The following TRIM55 variants were observed in gnomAD, a reference collection of about 807,000 sequenced individuals.
TRIM55 encodes the protein tripartite motif-containing protein 55.
Under a neutral mutation model 60.9 loss-of-function variants are expected in TRIM55, and 50 were observed. The ratio of observed to expected loss-of-function variants is 0.82; its 90% CI spans 0.65 to 1.04. The LOEUF (loss-of-function observed/expected upper bound fraction) is 1.04, where lower values mean the gene tolerates loss of function less well. Ranked by LOEUF, TRIM55 falls within the 50% of genes least tolerant of loss-of-function variation. The probability of loss-of-function intolerance (pLI) is 0.00; values close to 1 mark genes in which losing one functional copy is unlikely to be tolerated. For missense variants in TRIM55, 681 were observed against 666.9 expected (o/e 1.02, Z -0.23); for synonymous variants, 237 against 238.1 (o/e 1.00, Z 0.04).
At chr8:66,157,904 G>C (rs1005734719) in intron 9 of TRIM55, among the ~76,000 whole-genome samples, 5 of 152,108 alleles carry the variant, frequency 3.3e-5, no homozygotes, top group South Asian at 2.1e-4. Context: ...TCCTCTACGA[G>C]TGATGGACAG....
intron 3 of TRIM55, among the ~76,000 whole-genome samples, chr8:66,136,474 G>A (rs187762273): frequency 2.0e-5 from 3 of 152,306 alleles, no homozygotes; most frequent in East Asian, 3.9e-4. Flanking sequence ...TGGACCAAGC[G>A]CATGGGTCTC....
At chr8:66,160,753 A>G (rs1330295704) in intron 9 of TRIM55, among the ~76,000 whole-genome samples, 1 of 151,514 alleles carries the variant, frequency 6.6e-6, no homozygotes, top group Admixed American at 6.6e-5. Context: ...TTTGATTTGC[A>G]TTTCCCTGAT....
intron 4 of TRIM55, among the ~76,000 whole-genome samples, chr8:66,140,723 G>A (rs1170141374): frequency 6.6e-6 from 1 of 152,210 alleles, no homozygotes; most frequent in Non-Finnish European, 1.5e-5. Context: ...GTCCTAGCTT[G>A]AGAGCCTGGT....
chr8:66,117,021 A>C, the TRIM55 span, among the ~76,000 whole-genome samples: 1 of 152,258 alleles, frequency 6.6e-6, no homozygotes, highest in South Asian at 2.1e-4. Flanking sequence ...CATAACATTA[A>C]ACAGATTAAA....
In TRIM55 at chr8:66,127,220, G is replaced by C; in HGVS notation, c.-49G>C. The C allele has an allele frequency of 7.7e-6, 12 of 1,564,600 alleles. No homozygotes were observed. The highest frequency in any genetic ancestry group is 9.6e-6 in the Non-Finnish European group (11 of 1,147,222). ...TAATATCCAGGAAACACTTGCTGGA[G>C]CCACTCGCAGCACCCTTCCCTGGCA... is the stretch of plus-strand genomic sequence containing the variant. On this transcript the variant is annotated 5_prime_UTR_variant, in exon 1 of 10. Coordinates refer to ENST00000315962, the MANE Select transcript of TRIM55 (RefSeq NM_184085.2).
intron 9 of TRIM55, among the ~76,000 whole-genome samples, chr8:66,158,386 C>A (rs74952725): frequency 0.081 from 12,397 of 152,126 alleles, 834 homozygotes; most frequent in African/African-American, 0.19. Flanking sequence ...TTTTTACATT[C>A]TATTCTTCAA....
intron 9 of TRIM55, among the ~76,000 whole-genome samples, chr8:66,165,479 T>C (rs1423653159): frequency 6.6e-6 from 1 of 151,722 alleles, no homozygotes; most frequent in African/African-American, 2.4e-5. Flanking sequence ...TGACTATAGG[T>C]CTCAGGTTCT....
At chr8:66,170,935 C>T (rs1563397146) in intron 9 of TRIM55, among the ~76,000 whole-genome samples, 1 of 152,194 alleles carries the variant, frequency 6.6e-6, no homozygotes, top group Non-Finnish European at 1.5e-5. Context: ...TGTTAATGAG[C>T]ATGCACTCTG....
At chr8:66,163,284 C>T (rs191978766) in intron 9 of TRIM55, among the ~76,000 whole-genome samples, 1 of 152,144 alleles carries the variant, frequency 6.6e-6, no homozygotes, top group African/African-American at 2.4e-5. Flanking sequence ...TTCATTTCTG[C>T]TCTTAATGAT....
intron 4 of TRIM55, among the ~76,000 whole-genome samples, chr8:66,140,863 CA>C (rs1809769904): frequency 6.6e-6 from 1 of 152,174 alleles, no homozygotes; most frequent in Non-Finnish European, 1.5e-5. Flanking sequence ...GGTTCCTGGC[CA>C]GGGGGTGGAG....
In TRIM55 at chr8:66,174,847, ATGT is replaced by A. The variant is rs1290306653; in HGVS notation, c.*258_*260del. The A allele has an allele frequency of 3.7e-6, 1 of 267,472 alleles. No individual in the cohort carries two copies. The highest frequency in any genetic ancestry group is 1.2e-4 in the East Asian group (1 of 8,440). The allele number at this position is 267,472 out of a possible 1,614,324, so 16.6% of individuals were successfully genotyped here. ...ATACAAATCTTCTATTGTGTGGAAA[ATGT>A]TGTGAAGGGTGTGTAGGTGTGGTAC... is the stretch of plus-strand genomic sequence containing the variant. On this transcript the variant is annotated 3_prime_UTR_variant, in exon 10 of 10. Coordinates refer to ENST00000315962, the MANE Select transcript of TRIM55 (RefSeq NM_184085.2).
At chr8:66,160,367 G>A (rs554575624) in intron 9 of TRIM55, among the ~76,000 whole-genome samples, 1 of 152,016 alleles carries the variant, frequency 6.6e-6, no homozygotes, top group South Asian at 2.1e-4. Context: ...GTGTGTGTGT[G>A]TGTGTGTGTG....
At chr8:66,159,727 GCT>G (rs1810943782) in intron 9 of TRIM55, among the ~76,000 whole-genome samples, 3 of 152,102 alleles carry the variant, frequency 2.0e-5, no homozygotes, top group Non-Finnish European at 4.4e-5. Flanking sequence ...TCATATTTCA[GCT>G]ATTCTGGGTG....
At chr8:66,165,474 A>G (rs1182296103) in intron 9 of TRIM55, among the ~76,000 whole-genome samples, 3 of 152,142 alleles carry the variant, frequency 2.0e-5, no homozygotes, top group Non-Finnish European at 4.4e-5. Context: ...GAGTGTGACT[A>G]TAGGTCTCAG....
chr8:66,164,261 G>A (rs1441348167), intron 9 of TRIM55, among the ~76,000 whole-genome samples: 1 of 152,176 alleles, frequency 6.6e-6, no homozygotes, highest in African/African-American at 2.4e-5. Flanking sequence ...CACAAGCACG[G>A]CCAAGCACAA....
chr8:66,131,053 A>C (rs978094516), intron 2 of TRIM55, among the ~76,000 whole-genome samples: 4 of 152,060 alleles, frequency 2.6e-5, no homozygotes, highest in Non-Finnish European at 5.9e-5. Context: ...ATTTTGGCTA[A>C]TATTAATAAT....
In TRIM55 at chr8:66,159,052, C is replaced by A. The variant is rs527945158; in HGVS notation, c.1524+4718C>A. Reference sequence around the variant, plus strand: ...AATCAACTTTATTGAGATATACATACACTAAAATTTACCCATTTTAAGTGT... The same window carrying A: ...AATCAACTTTATTGAGATATACATAAACTAAAATTTACCCATTTTAAGTGT... On this transcript the variant is annotated intron_variant, in intron 9 of 9. Transcript: ENST00000315962. 1.5e-4 allele frequency among the ~76,000 whole-genome samples: 23 copies of A among 152,338 alleles called. No homozygotes were observed. In the Middle Eastern group the frequency reaches 0.01, roughly 68 times the overall value.
the TRIM55 span, chr8:66,114,594 G>C: frequency 0.01 from 4,612 of 456,292 alleles, 166 homozygotes; most frequent in African/African-American, 0.081. Context: ...CCCATAGTTC[G>C]GGGAGACCCA....
Position 66,149,644 on chromosome 8 carries a change from G to A in TRIM55, c.604-1G>A. 6.2e-7 allele frequency: 1 copy of A among 1,611,630 alleles called. No individual in the cohort carries two copies. Among genetic ancestry groups the A allele is most frequent in the Non-Finnish European group, 8.5e-7 (1 of 1,177,842 alleles). Reference sequence around the variant, plus strand: ...CTAACATTAGCTAACCCAACTAATAGGAATGTTGCAGAAAACAGAAACAAG... The same window carrying A: ...CTAACATTAGCTAACCCAACTAATAAGAATGTTGCAGAAAACAGAAACAAG... On this transcript the variant is annotated splice_acceptor_variant, in intron 4 of 9. Coordinates refer to ENST00000315962, the MANE Select transcript of TRIM55 (RefSeq NM_184085.2). LOFTEE classifies it high-confidence loss of function.
Sources: allele counts gnomAD v4.1 joint callset (sites outside exome capture counted in the v4.1 genomes callset), GRCh38; gene constraint gnomAD v4.1.1; transcripts MANE v1.5; gene names NCBI Gene and HGNC (gene_info 2026-07-23, HGNC 2026-07-21).